ASAP2: variants seen among roughly 807,000 people sequenced by gnomAD.
ASAP2 encodes the protein ArfGAP with SH3 domain, ankyrin repeat and PH domain 2.
ASAP2 carries 45 observed loss-of-function variants against 131.4 expected under a neutral mutation model. That is an observed-to-expected ratio of 0.34 (90% CI 0.27 to 0.44). The LOEUF (loss-of-function observed/expected upper bound fraction) is 0.44, where lower values mean the gene tolerates loss of function less well. ASAP2 is among the 20% of genes least tolerant of loss of function. The pLI, the probability that ASAP2 is intolerant of heterozygous loss-of-function variation, is 1.00. For synonymous variants in ASAP2, 510 were observed against 503.0 expected, an observed-to-expected ratio of 1.01 and a Z score of -0.19; for missense variants, 1,011 against 1,297.0, an observed-to-expected ratio of 0.78 and a Z score of 3.39.
At chr2:9,387,074 T>C (rs112299514) in intron 21 of ASAP2, among the ~76,000 whole-genome samples, 5 of 95,736 alleles carry the variant, frequency 5.2e-5, no homozygotes, top group Non-Finnish European at 1.0e-4. Context: ...GGCTTGGTGG[T>C]GGGTGGGGGG....
intron 1 of ASAP2, 68 bp from the exon 2 acceptor site, chr2:9,279,249 C>T (rs951008841): frequency 1.8e-5 from 26 of 1,477,150 alleles, no homozygotes; most frequent in East Asian, 6.8e-5. Flanking sequence ...TGGCACTCAA[C>T]GTGGTGCTCG....
intron 1 of ASAP2, among the ~76,000 whole-genome samples, chr2:9,223,301 A>C (rs1279363723): frequency 1.3e-5 from 2 of 152,200 alleles, no homozygotes; most frequent in Non-Finnish European, 2.9e-5. Flanking sequence ...TCTTATGACA[A>C]AATTGCTTTA....
At position 9,327,810 on chromosome 2, in the gene ASAP2, T is replaced by C. The variant is rs1280403984; in HGVS notation, c.601-16T>C. ...TCTGCTTACTTCCATGACATTTCCT[T>C]TTCATTGTTCAACAGTATCTGCTGA... On this transcript the variant is annotated splice_polypyrimidine_tract_variant and intron_variant, in intron 6 of 27. Coordinates refer to ENST00000281419, the MANE Select transcript of ASAP2 (RefSeq NM_003887.3). 2 of 1,575,984 alleles carry C rather than the reference T, an allele frequency of 1.3e-6. No homozygotes were observed. The highest frequency in any genetic ancestry group is 4.6e-5 in the East Asian group (2 of 43,414).
At chr2:9,345,498 G>A (rs554575848) in intron 11 of ASAP2, among the ~76,000 whole-genome samples, 4 of 152,266 alleles carry the variant, frequency 2.6e-5, no homozygotes, top group South Asian at 2.1e-4. Context: ...CCATGGCAGC[G>A]TTATACATAC....
intron 2 of ASAP2, among the ~76,000 whole-genome samples, chr2:9,282,786 T>C (rs1442385012): frequency 6.6e-6 from 1 of 152,268 alleles, no homozygotes; most frequent in Non-Finnish European, 1.5e-5. Flanking sequence ...CTTAATTTCT[T>C]TGGGACCAAG....
chr2:9,335,260 T>C, intron 9 of ASAP2, 81 bp downstream of exon 9: 3 of 1,265,374 alleles, frequency 2.4e-6, no homozygotes, highest in Non-Finnish European at 3.5e-6. Context: ...GAAGTTCATG[T>C]CTTCTAGGAG....
Position 9,385,645 on chromosome 2 carries a change from A to G in ASAP2, c.2130+287A>G, listed in dbSNP as rs564047096. 2.6e-5 allele frequency among the ~76,000 whole-genome samples: 4 copies of G among 152,250 alleles called. No individual in the cohort carries two copies. The South Asian group carries it at 8.3e-4, about 32-fold the overall frequency. ...GTGGCGGGGGGGTTGATTCCAGTGG[A>G]TTTAGAGGAAGGTCTCTTGCTATGG... On this transcript the variant is annotated intron_variant, in intron 21 of 27. Coordinates refer to ENST00000281419, the MANE Select transcript of ASAP2 (RefSeq NM_003887.3).
chr2:9,225,490 T>G (rs1334478785), intron 1 of ASAP2, among the ~76,000 whole-genome samples: 1 of 152,194 alleles, frequency 6.6e-6, no homozygotes. Flanking sequence ...CACCTTTTCC[T>G]CTGTGGTCCC....
At chr2:9,225,625 C>T (rs1044160067) in intron 1 of ASAP2, among the ~76,000 whole-genome samples, 3 of 151,868 alleles carry the variant, frequency 2.0e-5, no homozygotes, top group African/African-American at 4.8e-5. Flanking sequence ...AGGGCTTTTG[C>T]GTAGGGGAGT....
intron 24 of ASAP2, among the ~76,000 whole-genome samples, chr2:9,396,330 A>T (rs1322994974): frequency 6.6e-6 from 1 of 152,102 alleles, no homozygotes; most frequent in Non-Finnish European, 1.5e-5. Flanking sequence ...GCTGGAGTAC[A>T]GTGGTGTGAT....
At chr2:9,351,030 G>A (rs889336239) in intron 12 of ASAP2, 135 bp downstream of exon 12, 2 of 624,478 alleles carry the variant, frequency 3.2e-6, no homozygotes, top group Non-Finnish European at 5.1e-6. Context: ...AGTGATATGC[G>A]TGCTTTGTGT....
chr2:9,243,152 A>G (rs549373046), intron 1 of ASAP2, among the ~76,000 whole-genome samples: 58 of 152,302 alleles, frequency 3.8e-4, no homozygotes, highest in Middle Eastern at 3.4e-3. Flanking sequence ...TCTGTCGCCC[A>G]GGCTGGAGTG....
At chr2:9,261,816 G>A (rs1472973773) in intron 1 of ASAP2, among the ~76,000 whole-genome samples, 1 of 152,194 alleles carries the variant, frequency 6.6e-6, no homozygotes, top group Non-Finnish European at 1.5e-5. Flanking sequence ...GTCAGGGTAG[G>A]TGAGGAGGGG....
At chr2:9,297,587 A>T (rs1291945851) in intron 3 of ASAP2, 142 bp downstream of exon 3, 1 of 1,010,582 alleles carries the variant, frequency 9.9e-7, no homozygotes, top group Non-Finnish European at 1.4e-6. Context: ...TTTTATACAC[A>T]TTGGGTCAGT....
At chr2:9,291,355 C>T (rs900838847) in intron 2 of ASAP2, among the ~76,000 whole-genome samples, 43 of 152,182 alleles carry the variant, frequency 2.8e-4, no homozygotes, top group Non-Finnish European at 6.0e-4. Flanking sequence ...GAAAATGGTT[C>T]TCTCTCACGA....
chr2:9,336,967 A>G (rs1324801943), intron 9 of ASAP2, among the ~76,000 whole-genome samples: 1 of 152,272 alleles, frequency 6.6e-6, no homozygotes, highest in African/African-American at 2.4e-5. Flanking sequence ...GGCACAGTGC[A>G]AAGGCTGTGT....
At chr2:9,220,101 TTCA>T (rs1447126966) in intron 1 of ASAP2, among the ~76,000 whole-genome samples, 1 of 152,236 alleles carries the variant, frequency 6.6e-6, no homozygotes, top group Admixed American at 6.5e-5. Context: ...TGTTTATTCA[TTCA>T]TCAGTTGATG....
At chr2:9,279,780 C>T (rs1038650983) in intron 2 of ASAP2, among the ~76,000 whole-genome samples, 1 of 149,876 alleles carries the variant, frequency 6.7e-6, no homozygotes, top group African/African-American at 2.5e-5. Flanking sequence ...CTCTTTTACC[C>T]AGTCTTGCCT....
chr2:9,318,244 T>G (rs1197246958), intron 3 of ASAP2, among the ~76,000 whole-genome samples: 1 of 152,230 alleles, frequency 6.6e-6, no homozygotes, highest in East Asian at 1.9e-4. Flanking sequence ...ATATTTTTTC[T>G]TCACTGCAAT....
Sources: allele counts gnomAD v4.1 joint callset (sites outside exome capture counted in the v4.1 genomes callset), GRCh38; gene constraint gnomAD v4.1.1; transcripts MANE v1.5; gene names NCBI Gene and HGNC (gene_info 2026-07-23, HGNC 2026-07-21).